The following JAK2 variants were observed in gnomAD, a reference collection of about 807,000 sequenced individuals.
JAK2 encodes tyrosine-protein kinase JAK2.
Under a neutral mutation model 139.3 loss-of-function variants are expected in JAK2, and 86 were observed. The ratio of observed to expected loss-of-function variants is 0.62; its 90% CI spans 0.52 to 0.74. The LOEUF (loss-of-function observed/expected upper bound fraction) is 0.74. JAK2 is among the 30% of genes least tolerant of loss of function. The pLI is 0.00. For missense variants in JAK2, 1,421 were observed against 1,360.3 expected, an observed-to-expected ratio of 1.04 and a Z score of -0.70; for synonymous variants, 490 against 437.7, an observed-to-expected ratio of 1.12 and a Z score of -1.49.
At chr9:4,997,988 A>G (rs1465380704) in intron 2 of JAK2, among the ~76,000 whole-genome samples, 3 of 152,266 alleles carry the variant, frequency 2.0e-5, no homozygotes, top group African/African-American at 4.8e-5. Context: ...TGAAATATTC[A>G]GTGTTCTTCT....
chr9:5,015,539 T>C (rs139691118), intron 2 of JAK2, among the ~76,000 whole-genome samples: 1 of 25,220 alleles, frequency 4.0e-5, no homozygotes, highest in Admixed American at 3.4e-4. Context: ...TTTTCTTTTC[T>C]TTTTTTTTTT....
At chr9:5,111,826 C>G in intron 22 of JAK2, 1 of 415,036 alleles carries the variant, frequency 2.4e-6, no homozygotes, top group Admixed American at 2.8e-5. Flanking sequence ...CGTCTCCAGC[C>G]ACACGCCTGT....
intron 2 of JAK2, among the ~76,000 whole-genome samples, chr9:4,986,583 T>G (rs560279435): frequency 6.6e-6 from 1 of 152,336 alleles, no homozygotes; most frequent in African/African-American, 2.4e-5. Flanking sequence ...GGGAAATGAT[T>G]GCTTTTGGTT....
At chr9:4,988,871 ACTT>A (rs1158579934) in intron 2 of JAK2, among the ~76,000 whole-genome samples, 1 of 152,020 alleles carries the variant, frequency 6.6e-6, no homozygotes, top group Admixed American at 6.6e-5. Flanking sequence ...TCTTTAAACT[ACTT>A]CTTTCATTTA....
At chr9:5,082,076 T>C (rs1160818618) in intron 19 of JAK2, among the ~76,000 whole-genome samples, 2 of 152,176 alleles carry the variant, frequency 1.3e-5, no homozygotes. Flanking sequence ...GTAATTCTCG[T>C]CAGGTGGGAC....
chr9:5,099,878 T>C (rs1821330730), intron 22 of JAK2: 1 of 152,148 alleles, frequency 6.6e-6, no homozygotes, highest in African/African-American at 2.4e-5. Context: ...GCAATCCCCC[T>C]GTGAGCAGGC....
At chr9:5,073,593 C>T in intron 13 of JAK2, 105 bp from the exon 14 acceptor site, 1 of 839,334 alleles carries the variant, frequency 1.2e-6, no homozygotes, top group Non-Finnish European at 2.0e-6. Context: ...TATAGTCATG[C>T]TGAAAGTAGG....
chr9:5,009,672 A>C (rs1195963108), intron 2 of JAK2, among the ~76,000 whole-genome samples: 1 of 152,128 alleles, frequency 6.6e-6, no homozygotes, highest in Admixed American at 6.5e-5. Flanking sequence ...AACTGTAATA[A>C]TCCTTGATAA....
intron 20 of JAK2, among the ~76,000 whole-genome samples, chr9:5,090,086 A>G (rs1356494080): frequency 6.6e-6 from 1 of 152,256 alleles, no homozygotes; most frequent in Non-Finnish European, 1.5e-5. Flanking sequence ...AAGCTTACCA[A>G]GAAAGTATCA....
At chr9:5,038,315 C>T (rs779351574) in intron 4 of JAK2, among the ~76,000 whole-genome samples, 17 of 151,948 alleles carry the variant, frequency 1.1e-4, no homozygotes, top group Non-Finnish European at 2.1e-4. Context: ...TTATAAAAGC[C>T]CAGGCCCAAG....
intron 2 of JAK2, among the ~76,000 whole-genome samples, chr9:5,009,910 A>G (rs919844426): frequency 6.6e-6 from 1 of 152,112 alleles, no homozygotes; most frequent in Non-Finnish European, 1.5e-5. Flanking sequence ...AGCTAGTACT[A>G]CAGGTGCACA....
At chr9:5,125,330 A>C (rs1044700644) in intron 23 of JAK2, among the ~76,000 whole-genome samples, 1 of 151,218 alleles carries the variant, frequency 6.6e-6, no homozygotes, top group Non-Finnish European at 1.5e-5. Context: ...GAAGTATTAC[A>C]GCATGGGTAA....
At chr9:5,036,800 G>A (rs1266176555) in intron 4 of JAK2, among the ~76,000 whole-genome samples, 2 of 152,128 alleles carry the variant, frequency 1.3e-5, no homozygotes, top group African/African-American at 2.4e-5. Context: ...ACATAAGCAT[G>A]GGCAAGGACT....
chr9:5,080,489 G>A (rs2130606729), intron 17 of JAK2, 44 bp from the exon 18 acceptor site: 1 of 1,544,256 alleles, frequency 6.5e-7, no homozygotes, highest in African/African-American at 1.4e-5. Context: ...AGGTTGGTGT[G>A]GCATTACACA....
intron 4 of JAK2, among the ~76,000 whole-genome samples, chr9:5,032,124 C>T (rs1823201405): frequency 6.6e-6 from 1 of 152,250 alleles, no homozygotes; most frequent in South Asian, 2.1e-4. Context: ...CTCAGAGGGT[C>T]CTACGCCCAC....
chr9:5,062,519 A>AAG (rs1818261738), intron 8 of JAK2, among the ~76,000 whole-genome samples: 2 of 148,230 alleles, frequency 1.3e-5, no homozygotes, highest in Non-Finnish European at 3.0e-5. Context: ...AAAAAAAAAA[A>AAG]AAAAAAAAAA....
intron 9 of JAK2, among the ~76,000 whole-genome samples, chr9:5,065,735 A>G (rs1421785205): frequency 6.6e-6 from 1 of 152,200 alleles, no homozygotes; most frequent in African/African-American, 2.4e-5. Flanking sequence ...TTAAGTCCTA[A>G]TGATCTCTTA....
chr9:5,062,121 C>G (rs2130468264), intron 8 of JAK2, among the ~76,000 whole-genome samples: 1 of 152,186 alleles, frequency 6.6e-6, no homozygotes, highest in South Asian at 2.1e-4. Context: ...TGTGGGTCCA[C>G]TTATATGCAA....
At chr9:5,078,278 T>G (rs757381346) in intron 15 of JAK2, 28 bp from the exon 16 acceptor site, 23 of 1,595,416 alleles carry the variant, frequency 1.4e-5, no homozygotes, top group Non-Finnish European at 1.8e-5. Context: ...GACTGATATT[T>G]GAATATATGT....
Sources: allele counts gnomAD v4.1 joint callset (sites outside exome capture counted in the v4.1 genomes callset), GRCh38; gene constraint gnomAD v4.1.1; transcripts MANE v1.5; gene names NCBI Gene and HGNC (gene_info 2026-07-23, HGNC 2026-07-21).